The following SLC22A23 variants were observed in gnomAD, a reference collection of about 807,000 sequenced individuals.
SLC22A23 encodes ion transporter protein.
In SLC22A23, 26 loss-of-function variants were observed where a neutral mutation model predicts 61.0. That is an observed-to-expected ratio of 0.43 (90% CI 0.31 to 0.59). The LOEUF (loss-of-function observed/expected upper bound fraction) is 0.59. SLC22A23 is among the 20% of genes least tolerant of loss of function. The pLI is 0.11. For missense variants in SLC22A23, 796 were observed against 934.7 expected (o/e 0.85, Z 1.94); for synonymous variants, 430 against 413.9 (o/e 1.04, Z -0.47).
chr6:3,417,122 T>G (rs932382782), intron 1 of SLC22A23, among the ~76,000 whole-genome samples: 2 of 152,084 alleles, frequency 1.3e-5, no homozygotes, highest in Non-Finnish European at 1.5e-5. Context: ...TCACTAAAAT[T>G]CAGGAAAAGC....
chr6:3,302,233 ATAG>A (rs1316428811), intron 4 of SLC22A23, among the ~76,000 whole-genome samples: 1 of 152,156 alleles, frequency 6.6e-6, no homozygotes, highest in Non-Finnish European at 1.5e-5. Context: ...ATAGGTATTC[ATAG>A]TAGTCTCTGA....
chr6:3,431,066 CA>C (rs751754256), intron 1 of SLC22A23, among the ~76,000 whole-genome samples: 17,777 of 129,314 alleles, frequency 0.14, 1,195 homozygotes, highest in Non-Finnish European at 0.17. Context: ...AACTCCGTCT[CA>C]AAAAAAAAAA....
At chr6:3,447,563 GGA>G (rs981875896) in intron 1 of SLC22A23, among the ~76,000 whole-genome samples, 3 of 151,320 alleles carry the variant, frequency 2.0e-5, no homozygotes, top group Non-Finnish European at 4.4e-5. Context: ...GTGAAAAGGA[GGA>G]GAGAGGAAAG....
rs71661359 is a variant in SLC22A23, at chr6:3,379,958, CGT to C, written c.913+30228_913+30229del. ...CTTTGGAGAGAAAGGAGTGTGGATG[CGT>C]GTGTGTGTGTGTGTGTGCACGTGCG... On this transcript the variant is annotated intron_variant, in intron 3 of 9. Transcript: ENST00000406686. 3.5e-3 allele frequency among the ~76,000 whole-genome samples: 524 copies of C among 149,344 alleles called. 4 individuals are homozygous for C. The highest frequency in any genetic ancestry group is 4.4e-3 in the Non-Finnish European group (292 of 67,016).
chr6:3,339,553 G>A (rs949965025), intron 3 of SLC22A23, among the ~76,000 whole-genome samples: 8 of 152,160 alleles, frequency 5.3e-5, no homozygotes, highest in African/African-American at 1.7e-4. Flanking sequence ...ACAGGAGGTC[G>A]GCACAAAAGG....
intron 6 of SLC22A23, among the ~76,000 whole-genome samples, chr6:3,288,998 C>G (rs573287069): frequency 5.2e-5 from 8 of 152,386 alleles, no homozygotes; most frequent in African/African-American, 1.9e-4. Context: ...CTGGGCCTGT[C>G]TTTACCTGGT....
chr6:3,299,656 C>T (rs1761439196), intron 4 of SLC22A23, among the ~76,000 whole-genome samples: 3 of 152,220 alleles, frequency 2.0e-5, no homozygotes, highest in African/African-American at 4.8e-5. Context: ...GGAGTTGGCA[C>T]GCTATCTCTG....
At position 3,330,439 on chromosome 6, in the gene SLC22A23, C is replaced by T. The variant is rs1306071174; in HGVS notation, c.914-6437G>A. Among the ~76,000 whole-genome samples, 3 of 152,176 alleles carry T rather than the reference C, an allele frequency of 2.0e-5. No homozygotes were observed. Among genetic ancestry groups the T allele is most frequent in the African/African-American group, 2.4e-5 (1 of 41,420 alleles). ...GAACTGCAGGGAGCTTCCTCTTACT[C>T]GCTGGCCTCACCATCTCCCAGACCA... On this transcript the variant is annotated intron_variant, in intron 3 of 9. Coordinates refer to ENST00000406686, the MANE Select transcript of SLC22A23 (RefSeq NM_015482.2). This position sits in a 1 kb window ranked among gnomAD's most constrained non-coding sequence, Gnocchi z 4.7.
At chr6:3,341,775 A>AG (rs980908495) in intron 3 of SLC22A23, among the ~76,000 whole-genome samples, 5 of 55,968 alleles carry the variant, frequency 8.9e-5, no homozygotes, top group Non-Finnish European at 1.7e-4. Context: ...CTGTCAAGCG[A>AG]GGGGGGTGGG....
rs1036850251 is a variant in SLC22A23 at position 3,456,020 on chromosome 6, G to A, written c.540C>T (p.Gly180=). 15 of 1,546,698 alleles carry A rather than the reference G, an allele frequency of 9.7e-6. No individual in the cohort carries two copies. The highest frequency in any genetic ancestry group is 1.4e-5 in the African/African-American group (1 of 73,008). The change falls in exon 1 of 10, where the codon GGC becomes GGT. Residue 180 remains glycine (G), a synonymous_variant. Transcript: ENST00000406686. The surrounding 1 kb of genome is among the most constrained non-coding windows in gnomAD (Gnocchi z 7.1). ...GAGGGGATGGCAGGGGTGGTGTGTC[G>A]CCTCCGTCCGCGCCGCTGCTGTTGC... The part of the protein sequence containing the change: ...NRSNSSGADG[G]DTPPLPSPPD...
Position 3,273,166 on chromosome 6 carries a change from T to C in SLC22A23, c.1950A>G (p.Pro650=). 6.2e-7 allele frequency: 1 copy of C among 1,612,560 alleles called. No homozygotes were observed. The highest frequency in any genetic ancestry group is 2.2e-5 in the East Asian group (1 of 44,864). The change falls in exon 10 of 10, where the codon CCA becomes CCG. Residue 650 remains proline (P), a synonymous_variant. Transcript: ENST00000406686. ...PLLPHKKGEQ[P]LLLTNAELKD... ...TGAGCTCGGCGTTGGTGAGCAGCAGTGGCTGCTCCCCCTTCTTGTGCGGCA... is the reference window on the plus strand; with the variant it reads ...TGAGCTCGGCGTTGGTGAGCAGCAGCGGCTGCTCCCCCTTCTTGTGCGGCA...
At chr6:3,298,018 C>T in intron 5 of SLC22A23, 73 bp downstream of exon 5, 2 of 1,429,204 alleles carry the variant, frequency 1.4e-6, no homozygotes, top group Middle Eastern at 2.0e-4. Flanking sequence ...GTTTGTGCAA[C>T]AAAACCAGCC....
At chr6:3,332,382 T>G (rs988246040) in intron 3 of SLC22A23, among the ~76,000 whole-genome samples, 6 of 138,866 alleles carry the variant, frequency 4.3e-5, no homozygotes, top group Non-Finnish European at 7.6e-5. Flanking sequence ...CTCTTTGGCA[T>G]AATACTTCTA....
At chr6:3,354,467 G>A (rs1164628908) in intron 3 of SLC22A23, among the ~76,000 whole-genome samples, 1 of 152,216 alleles carries the variant, frequency 6.6e-6, no homozygotes, top group Non-Finnish European at 1.5e-5. Context: ...CTCGATTGTA[G>A]TGACCACTGT....
chr6:3,431,912 T>C (rs1249296055), intron 1 of SLC22A23, among the ~76,000 whole-genome samples: 2 of 152,182 alleles, frequency 1.3e-5, no homozygotes, highest in Non-Finnish European at 2.9e-5. Flanking sequence ...TTGCAGGTGG[T>C]TGTATAATGC....
intron 1 of SLC22A23, among the ~76,000 whole-genome samples, chr6:3,424,125 G>GGAAGA: frequency 6.6e-6 from 1 of 152,226 alleles, no homozygotes; most frequent in East Asian, 1.9e-4. Context: ...CATCAATTCC[G>GGAAGA]GAAGAGAGCC....
intron 3 of SLC22A23, among the ~76,000 whole-genome samples, chr6:3,370,667 C>T (rs115012521): frequency 1.6e-4 from 24 of 152,354 alleles, no homozygotes; most frequent in Non-Finnish European, 1.5e-4. Context: ...CAAGTCCTCA[C>T]GATGACCTTC....
At chr6:3,384,794 CAT>C (rs1476441352) in intron 3 of SLC22A23, among the ~76,000 whole-genome samples, 5 of 152,296 alleles carry the variant, frequency 3.3e-5, no homozygotes, top group East Asian at 1.9e-4. Flanking sequence ...AAAACACACA[CAT>C]GTGTTCACAG....
chr6:3,408,412 T>C (rs977978062), intron 3 of SLC22A23, among the ~76,000 whole-genome samples: 9 of 152,302 alleles, frequency 5.9e-5, no homozygotes, highest in African/African-American at 2.2e-4. Flanking sequence ...ATTCTATGAA[T>C]ATGTGAGGTG....
Sources: gnomAD v4.1 joint callset for allele counts (sites outside exome capture counted in the v4.1 genomes callset) on GRCh38, gnomAD v4.1.1 for gene constraint, Gnocchi (gnomAD v3.1) non-coding constraint, MANE v1.5 for transcripts, NCBI Gene and HGNC (gene_info 2026-07-23, HGNC 2026-07-21) for gene names.